Variants in ST8SIA5 observed in about 807,000 individuals in gnomAD.
The protein encoded by ST8SIA5 is ST8 alpha-N-acetyl-neuraminide alpha-2,8-sialyltransferase 5.
ST8SIA5 carries 24 observed loss-of-function variants against 40.2 expected under a neutral mutation model. The observed-to-expected ratio is 0.60, with a 90% confidence interval of 0.43 to 0.84. ST8SIA5 has a LOEUF of 0.84. Ranked by LOEUF, ST8SIA5 falls within the 40% of genes least tolerant of loss-of-function variation. The probability of loss-of-function intolerance (pLI) is 0.00; values close to 1 mark genes in which losing one functional copy is unlikely to be tolerated. For missense variants in ST8SIA5, 465 were observed against 498.5 expected, an observed-to-expected ratio of 0.93 and a Z score of 0.64; for synonymous variants, 198 against 201.8, an observed-to-expected ratio of 0.98 and a Z score of 0.16.
intron 1 of ST8SIA5, among the ~76,000 whole-genome samples, chr18:46,715,390 C>T (rs1384843242): frequency 6.6e-6 from 1 of 151,892 alleles, no homozygotes; most frequent in Non-Finnish European, 1.5e-5. Context: ...TTTTCAGAGG[C>T]AACAATCAGA....
At chr18:46,689,894 TG>T (rs1210529884) in intron 3 of ST8SIA5, among the ~76,000 whole-genome samples, 2 of 148,018 alleles carry the variant, frequency 1.4e-5, no homozygotes, top group African/African-American at 5.1e-5. Context: ...TGGCCTATAA[TG>T]TTTTTTTTTT....
chr18:46,715,291 C>A (rs1385426005), intron 1 of ST8SIA5, among the ~76,000 whole-genome samples: 2 of 152,206 alleles, frequency 1.3e-5, no homozygotes, highest in Admixed American at 1.3e-4. Context: ...TCAGCCTGGA[C>A]GATGGCATTC....
chr18:46,716,587 G>A (rs183478549), intron 1 of ST8SIA5, among the ~76,000 whole-genome samples: 85 of 152,332 alleles, frequency 5.6e-4, no homozygotes, highest in African/African-American at 1.9e-3. Context: ...CAAGATTGGT[G>A]TGGAGTATGG....
Position 46,739,242 on chromosome 18 carries a change from C to T in ST8SIA5, c.131+17136G>A, listed in dbSNP as rs10468985. Among the ~76,000 whole-genome samples, 768 of 152,182 alleles carry T rather than the reference C, an allele frequency of 5.0e-3. 6 individuals carry two copies. The highest frequency in any genetic ancestry group is 0.018 in the African/African-American group (733 of 41,544). ...CCAGAGTTAGGACAGATGTGACATG[C>T]GTAAAAGACCCTTCACTGGCCGGGT... On this transcript the variant is annotated intron_variant, in intron 1 of 6. Coordinates refer to ENST00000315087, the MANE Select transcript of ST8SIA5 (RefSeq NM_013305.6).
chr18:46,696,699 T>C (rs1442416585), intron 2 of ST8SIA5, among the ~76,000 whole-genome samples: 2 of 152,258 alleles, frequency 1.3e-5, no homozygotes, highest in Non-Finnish European at 2.9e-5. Flanking sequence ...CAAATTGCTT[T>C]ACAAATGCAG....
intron 1 of ST8SIA5, among the ~76,000 whole-genome samples, chr18:46,714,319 G>A (rs1385119547): frequency 3.3e-5 from 5 of 152,162 alleles, no homozygotes; most frequent in Non-Finnish European, 2.9e-5. Flanking sequence ...CTTCCAGCCC[G>A]ACTCCAACTC....
chr18:46,755,242 C>T (rs2040231184), intron 1 of ST8SIA5, among the ~76,000 whole-genome samples: 1 of 152,230 alleles, frequency 6.6e-6, no homozygotes, highest in African/African-American at 2.4e-5. Context: ...CCTTCGTGGG[C>T]AGCCCAGATT....
intron 2 of ST8SIA5, among the ~76,000 whole-genome samples, chr18:46,703,206 C>T (rs1436368420): frequency 8.5e-5 from 13 of 152,266 alleles, no homozygotes; most frequent in African/African-American, 2.2e-4. Context: ...AGTGCAGTGA[C>T]GTGATCTCGG....
chr18:46,703,853 G>A (rs1275705080), intron 2 of ST8SIA5, among the ~76,000 whole-genome samples: 9 of 152,156 alleles, frequency 5.9e-5, no homozygotes, highest in Admixed American at 1.3e-4. Flanking sequence ...TGTGAAGGGC[G>A]GAAACCCAGG....
chr18:46,740,749 C>G (rs895613522), intron 1 of ST8SIA5, among the ~76,000 whole-genome samples: 38 of 152,182 alleles, frequency 2.5e-4, no homozygotes, highest in Non-Finnish European at 7.4e-5. Context: ...GAACAAATTA[C>G]TTAACCTCAC....
chr18:46,719,910 C>T (rs1280782557), intron 1 of ST8SIA5, among the ~76,000 whole-genome samples: 1 of 151,196 alleles, frequency 6.6e-6, no homozygotes. Flanking sequence ...ACAATCTGAG[C>T]TCACTGCAGC....
chr18:46,718,329 CAA>C (rs34073971), intron 1 of ST8SIA5, among the ~76,000 whole-genome samples: 6 of 128,640 alleles, frequency 4.7e-5, no homozygotes, highest in Admixed American at 8.1e-5. Flanking sequence ...AACTCTGTCT[CAA>C]AAAAAAAAAA....
intron 1 of ST8SIA5, among the ~76,000 whole-genome samples, chr18:46,717,493 G>A (rs939280809): frequency 6.6e-6 from 1 of 152,004 alleles, no homozygotes; most frequent in South Asian, 2.1e-4. Flanking sequence ...GTGCCACCAC[G>A]CCTGGCTAAT....
At chr18:46,750,714 T>G (rs1366797137) in intron 1 of ST8SIA5, among the ~76,000 whole-genome samples, 1 of 152,082 alleles carries the variant, frequency 6.6e-6, no homozygotes, top group Non-Finnish European at 1.5e-5. Flanking sequence ...CCTCTCCTCA[T>G]TCCCCTCCAC....
At chr18:46,714,296 T>C (rs973656108) in intron 1 of ST8SIA5, among the ~76,000 whole-genome samples, 1 of 152,086 alleles carries the variant, frequency 6.6e-6, no homozygotes, top group African/African-American at 2.4e-5. Flanking sequence ...AATGGGTGGG[T>C]GGATGCTTGG....
chr18:46,724,771 C>T (rs1440903213), intron 1 of ST8SIA5, among the ~76,000 whole-genome samples: 6 of 152,088 alleles, frequency 3.9e-5, no homozygotes, highest in East Asian at 3.9e-4. Flanking sequence ...GTCAGGAGTT[C>T]GAGACCAGCC....
At chr18:46,713,537 A>G (rs1204800243) in intron 1 of ST8SIA5, among the ~76,000 whole-genome samples, 1 of 152,150 alleles carries the variant, frequency 6.6e-6, no homozygotes, top group Non-Finnish European at 1.5e-5. Context: ...TGCAGAGAGA[A>G]GAAGAAAGAG....
Position 46,691,984 on chromosome 18 carries a change from G to T in ST8SIA5, c.311+185C>A, listed in dbSNP as rs2039509946. The T allele has an allele frequency of 9.6e-6, 6 of 623,014 alleles. No homozygotes were observed. The East Asian group carries it at 1.4e-4, about 15-fold the overall frequency. 38.6% of individuals were successfully genotyped at this position (623,014 alleles called of 1,614,324 possible). A position where few individuals can be genotyped will look rare whatever the true frequency, so the allele number is the denominator to read the frequency against. The stretch of plus-strand genomic sequence containing the variant: ...AGGTGGAGGATAGCACCTGGGCAAG[G>T]TGCCTGCCTCAGCCTGCATGTTGAA... On this transcript the variant is annotated intron_variant, in intron 3 of 6. Transcript: ENST00000315087.
At chr18:46,684,938 C>T (rs771435843) in intron 5 of ST8SIA5, among the ~76,000 whole-genome samples, 11 of 151,974 alleles carry the variant, frequency 7.2e-5, no homozygotes, top group Middle Eastern at 3.2e-3. Context: ...CAGTTGGCAA[C>T]GCAGGATGTA....
Sources: gnomAD v4.1 joint callset for allele counts (sites outside exome capture counted in the v4.1 genomes callset) on GRCh38, gnomAD v4.1.1 for gene constraint, MANE v1.5 for transcripts, NCBI Gene and HGNC (gene_info 2026-07-23, HGNC 2026-07-21) for gene names.